PEX14: variants seen among roughly 807,000 people sequenced by gnomAD.
PEX14 encodes the protein peroxisomal membrane protein PEX14.
In PEX14, 15 loss-of-function variants were observed where a neutral mutation model predicts 49.5. The observed-to-expected ratio is 0.30, with a 90% CI of 0.20 to 0.47. The LOEUF (loss-of-function observed/expected upper bound fraction) is 0.47, where lower values mean the gene tolerates loss of function less well. PEX14 is among the 20% of genes least tolerant of loss of function. The pLI is 1.00. For synonymous variants in PEX14, 210 were observed against 212.7 expected, an observed-to-expected ratio of 0.99 and a Z score of 0.11; for missense variants, 398 against 494.8, an observed-to-expected ratio of 0.80 and a Z score of 1.86.
intron 3 of PEX14, among the ~76,000 whole-genome samples, chr1:10,553,692 G>T (rs1300565393): frequency 1.3e-5 from 2 of 152,132 alleles, no homozygotes. Context: ...TGGTCAGAGT[G>T]GGCCGCTACT....
At chr1:10,509,025 C>T (rs748278048) in intron 2 of PEX14, among the ~76,000 whole-genome samples, 1 of 152,080 alleles carries the variant, frequency 6.6e-6, no homozygotes, top group Non-Finnish European at 1.5e-5. Context: ...CAAACACCGC[C>T]TCCTAGGTTC....
intron 3 of PEX14, among the ~76,000 whole-genome samples, chr1:10,577,529 CATATATATATATATATAT>C (rs1312391529): frequency 1.1e-3 from 48 of 43,016 alleles, no homozygotes; most frequent in South Asian, 2.0e-3. Context: ...GGACACTATA[CATATATATATATATATAT>C]ATATATATAT....
In PEX14 at chr1:10,594,183, T is replaced by C. The variant is rs953952977; in HGVS notation, c.170-5055T>C. On this transcript the variant is annotated intron_variant, in intron 3 of 8. Transcript: ENST00000356607. ...CCAACAAAATGTTCATAAAATAAAA[T>C]AAAAATACTTTTCCCCTTCCCCTCC... 2.0e-5 allele frequency among the ~76,000 whole-genome samples: 3 copies of C among 152,204 alleles called. No homozygotes were observed. In the East Asian group the frequency reaches 5.8e-4, roughly 29 times the overall value.
chr1:10,620,230 G>A (rs1457477231), intron 5 of PEX14, among the ~76,000 whole-genome samples: 1 of 151,970 alleles, frequency 6.6e-6, no homozygotes, highest in Non-Finnish European at 1.5e-5. Context: ...CAGGCAGATT[G>A]CTTGAGCCCA....
chr1:10,594,045 G>C (rs1167767436), intron 3 of PEX14, among the ~76,000 whole-genome samples: 1 of 152,138 alleles, frequency 6.6e-6, no homozygotes, highest in Admixed American at 6.5e-5. Context: ...TCGTCATTAC[G>C]TGTAATTTAT....
intron 2 of PEX14, among the ~76,000 whole-genome samples, chr1:10,509,237 C>T (rs561092793): frequency 7.9e-5 from 12 of 152,270 alleles, no homozygotes; most frequent in South Asian, 4.1e-4. Context: ...CGTGAGCCAC[C>T]GCGCCCGGCA....
chr1:10,630,132 G>A lies in PEX14; in HGVS notation c.*145G>A. On this transcript the variant is annotated 3_prime_UTR_variant, in exon 9 of 9. Coordinates refer to ENST00000356607, the MANE Select transcript of PEX14 (RefSeq NM_004565.3). The surrounding 1 kb of genome is among the most constrained non-coding windows in gnomAD (Gnocchi z 4.1). ...GTCCTCAGCTGCACTGCGGCCTGGT[G>A]GCAGTGTGGGGAGTCACACTTCTGT... 7.9e-7 allele frequency: 1 copy of A among 1,269,856 alleles called. No homozygotes were observed. Among genetic ancestry groups the A allele is most frequent in the Admixed American group, 2.4e-5 (1 of 41,438 alleles). 78.7% of individuals were successfully genotyped at this position (1,269,856 alleles called of 1,614,324 possible).
intron 5 of PEX14, among the ~76,000 whole-genome samples, chr1:10,621,294 G>A (rs1387666818): frequency 1.3e-5 from 2 of 149,868 alleles, no homozygotes; most frequent in Non-Finnish European, 3.0e-5. Context: ...TAGGACTTCT[G>A]ATCTCAGAAA....
In PEX14 at chr1:10,518,393, C is replaced by G. The variant is rs144507019; in HGVS notation, c.85-17820C>G. Among the ~76,000 whole-genome samples the G allele has an allele frequency of 3.3e-3, 499 of 152,340 alleles. 4 individuals are homozygous for G. Among genetic ancestry groups the G allele is most frequent in the Non-Finnish European group, 3.6e-3 (246 of 68,042 alleles). On this transcript the variant is annotated intron_variant, in intron 2 of 8. Transcript: ENST00000356607. ...AACCCGATGCCAGGGGGAACCTCCTCTCTGCCTCAGTGGTTTTGTCTCCTT... is the reference window on the plus strand; with the variant it reads ...AACCCGATGCCAGGGGGAACCTCCTGTCTGCCTCAGTGGTTTTGTCTCCTT...
At chr1:10,601,262 CAAAA>C (rs58910333) in intron 4 of PEX14, among the ~76,000 whole-genome samples, 4 of 57,026 alleles carry the variant, frequency 7.0e-5, no homozygotes, top group African/African-American at 1.2e-4. Flanking sequence ...GACTCTGTCT[CAAAA>C]AAAAAAAAAA....
At chr1:10,519,410 G>C (rs1256521845) in intron 2 of PEX14, among the ~76,000 whole-genome samples, 1 of 152,166 alleles carries the variant, frequency 6.6e-6, no homozygotes, top group Non-Finnish European at 1.5e-5. Flanking sequence ...GGGGCAGTAA[G>C]GTGCCTGGCT....
At position 10,591,635 on chromosome 1, in the gene PEX14, CTGTGTGTG is replaced by C. The variant is rs61635531; in HGVS notation, c.170-7568_170-7561del. Among the ~76,000 whole-genome samples, 686 of 139,738 alleles carry C rather than the reference CTGTGTGTG, an allele frequency of 4.9e-3. 2 individuals are homozygous for C. The highest frequency in any genetic ancestry group is 0.011 in the African/African-American group (420 of 37,304). The allele number at this position is 139,738 out of a possible 152,430, so 91.7% of individuals were successfully genotyped here. A position where few individuals can be genotyped will look rare whatever the true frequency, so the allele number is the denominator to read the frequency against. On this transcript the variant is annotated intron_variant, in intron 3 of 8. Transcript: ENST00000356607. ...CCTCCTTTTCTTTCAGGTATACACA[CTGTGTGTG>C]TGTGTGTGTGTGTGTGTGTGTGTGT... is the stretch of plus-strand genomic sequence containing the variant.
chr1:10,534,816 G>C (rs1410944601), intron 2 of PEX14, among the ~76,000 whole-genome samples: 1 of 152,138 alleles, frequency 6.6e-6, no homozygotes, highest in African/African-American at 2.4e-5. Context: ...GAATGTCTAG[G>C]TAAGCCTCCC....
chr1:10,483,994 T>C (rs115332378), intron 1 of PEX14, among the ~76,000 whole-genome samples: 3,861 of 151,586 alleles, frequency 0.025, 74 homozygotes, highest in Non-Finnish European at 0.04. Context: ...ATTTGTGTTA[T>C]GGTATGTATC....
At chr1:10,610,372 T>TACAC (rs996925845) in intron 4 of PEX14, among the ~76,000 whole-genome samples, 3,673 of 129,010 alleles carry the variant, frequency 0.028, 47 homozygotes, top group Non-Finnish European at 0.033. Flanking sequence ...TATATATATA[T>TACAC]ACACACACAC....
chr1:10,566,004 AT>A (rs899132254), intron 3 of PEX14, among the ~76,000 whole-genome samples: 34 of 152,246 alleles, frequency 2.2e-4, no homozygotes, highest in African/African-American at 8.0e-4. Flanking sequence ...TCTCTAGTCC[AT>A]CTGAAGATGG....
chr1:10,586,628 C>CTT (rs35743829), intron 3 of PEX14, among the ~76,000 whole-genome samples: 1,320 of 93,068 alleles, frequency 0.014, 191 homozygotes, highest in East Asian at 0.023. Context: ...AGCCGTTTAC[C>CTT]TTTTTTTTTT....
intron 3 of PEX14, among the ~76,000 whole-genome samples, chr1:10,555,525 C>T (rs1385692797): frequency 6.6e-6 from 1 of 152,274 alleles, no homozygotes; most frequent in African/African-American, 2.4e-5. Flanking sequence ...GAATGTGCTG[C>T]ATATGTGAGA....
chr1:10,499,432 A>G (rs1444291990), intron 2 of PEX14, among the ~76,000 whole-genome samples: 1 of 145,340 alleles, frequency 6.9e-6, no homozygotes, highest in Non-Finnish European at 1.5e-5. Flanking sequence ...CACCAAAATA[A>G]TCCCAAAGAA....
Sources: allele counts gnomAD v4.1 joint callset (sites outside exome capture counted in the v4.1 genomes callset), GRCh38; gene constraint gnomAD v4.1.1; non-coding constraint Gnocchi (gnomAD v3.1); transcripts MANE v1.5; gene names NCBI Gene and HGNC (gene_info 2026-07-23, HGNC 2026-07-21).